PRKAR2B: variants seen among roughly 807,000 people sequenced by gnomAD.
The protein encoded by PRKAR2B is cAMP-dependent protein kinase type II-beta regulatory subunit.
PRKAR2B carries 14 observed loss-of-function variants against 49.9 expected under a neutral mutation model. That is an observed-to-expected ratio of 0.28 (90% CI 0.19 to 0.44). The LOEUF (loss-of-function observed/expected upper bound fraction) is 0.44. Ranked by LOEUF, PRKAR2B falls within the 20% of genes least tolerant of loss-of-function variation. The pLI is 1.00. For synonymous variants in PRKAR2B, 196 were observed against 197.7 expected, an observed-to-expected ratio of 0.99 and a Z score of 0.07; for missense variants, 393 against 537.9, an observed-to-expected ratio of 0.73 and a Z score of 2.67.
intron 1 of PRKAR2B, among the ~76,000 whole-genome samples, chr7:107,061,846 A>G (rs1794033527): frequency 6.6e-6 from 1 of 152,190 alleles, no homozygotes; most frequent in South Asian, 2.1e-4. Flanking sequence ...GCAGTGAACC[A>G]AGACTGTGCC....
intron 3 of PRKAR2B, among the ~76,000 whole-genome samples, chr7:107,125,899 C>A (rs1301905290): frequency 6.6e-6 from 1 of 151,630 alleles, no homozygotes; most frequent in Non-Finnish European, 1.5e-5. Flanking sequence ...CCAGCCTGGC[C>A]AAGATGGTGA....
intron 1 of PRKAR2B, among the ~76,000 whole-genome samples, chr7:107,049,303 G>C (rs917813972): frequency 6.6e-6 from 1 of 152,160 alleles, no homozygotes; most frequent in East Asian, 1.9e-4. Context: ...TAACTACCGT[G>C]ATAGAAAATA....
intron 2 of PRKAR2B, among the ~76,000 whole-genome samples, chr7:107,103,635 A>G (rs1207722125): frequency 1.3e-5 from 2 of 152,222 alleles, no homozygotes; most frequent in Non-Finnish European, 2.9e-5. Flanking sequence ...GATAAACTCT[A>G]CAAGCCTCCA....
chr7:107,155,136 A>C (rs983170619), intron 8 of PRKAR2B, among the ~76,000 whole-genome samples: 1 of 152,242 alleles, frequency 6.6e-6, no homozygotes, highest in Non-Finnish European at 1.5e-5. Context: ...CTGCTGGCAT[A>C]CACAGCAGTG....
chr7:107,146,387 G>T lies in PRKAR2B; in HGVS notation c.667G>T (p.Glu223Ter). 1 of 1,614,098 alleles carries T rather than the reference G, an allele frequency of 6.2e-7. No individual in the cohort carries two copies. Residue 223 changes from glutamate (E) to a stop codon, truncating the protein, a stop_gained, in exon 6 of 11, where the codon GAA becomes TAA. Coordinates refer to ENST00000265717, the MANE Select transcript of PRKAR2B (RefSeq NM_002736.3). LOFTEE classifies it high-confidence loss of function. ...CTATGATAATCGTGGGAGTTTCGGC[G>T]AACTGGCCTTAATGTACAATACACC... ...GNYDNRGSFG[E>*]LALMYNTPRA...
intron 2 of PRKAR2B, among the ~76,000 whole-genome samples, chr7:107,098,378 G>C (rs2707377): frequency 0.79 from 120,186 of 152,136 alleles, 48,208 homozygotes; most frequent in African/African-American, 0.94. Flanking sequence ...TTAAGGTCTT[G>C]TCTGTACTGT....
At chr7:107,146,568 C>T (rs1795898975) in intron 6 of PRKAR2B, 107 bp downstream of exon 6, 1 of 1,261,212 alleles carries the variant, frequency 7.9e-7, no homozygotes, top group Non-Finnish European at 1.1e-6. Context: ...CATCAGTCAT[C>T]AGGTAATTTA....
chr7:107,070,384 A>G, intron 2 of PRKAR2B, 68 bp downstream of exon 2: 1 of 1,360,698 alleles, frequency 7.3e-7, no homozygotes, highest in Non-Finnish European at 1.0e-6. Context: ...ATATTGGACA[A>G]GAAGGTACAA....
rs112966109 is a variant in PRKAR2B, at chr7:107,062,814, C to T, written c.308-7467C>T. On this transcript the variant is annotated intron_variant, in intron 1 of 10. Transcript: ENST00000265717. ...TTATCTTGTGAAATCTTTCATTATTCTTGTTAGAGACTAAAACCAGGTTAC... is the reference window on the plus strand; with the variant it reads ...TTATCTTGTGAAATCTTTCATTATTTTTGTTAGAGACTAAAACCAGGTTAC... Among the ~76,000 whole-genome samples, 403 of 151,016 alleles carry T rather than the reference C, an allele frequency of 2.7e-3. 2 individuals carry two copies. Among genetic ancestry groups the T allele is most frequent in the African/African-American group, 9.3e-3 (383 of 41,088 alleles).
At chr7:107,159,161 A>G (rs1482046738) in intron 10 of PRKAR2B, among the ~76,000 whole-genome samples, 1 of 152,168 alleles carries the variant, frequency 6.6e-6, no homozygotes, top group Non-Finnish European at 1.5e-5. Flanking sequence ...AGGTCTTTCC[A>G]TGATAGTCCC....
At chr7:107,147,305 C>G (rs1423470205) in intron 6 of PRKAR2B, among the ~76,000 whole-genome samples, 2 of 152,086 alleles carry the variant, frequency 1.3e-5, no homozygotes, top group African/African-American at 2.4e-5. Context: ...GAGCGAGACT[C>G]TGTCTCAAAA....
intron 1 of PRKAR2B, chr7:107,069,626 G>A (rs973689459): frequency 6.6e-6 from 1 of 152,190 alleles, no homozygotes; most frequent in African/African-American, 2.4e-5. Flanking sequence ...CGGAGGAGTG[G>A]GCAGATGGTA....
intron 2 of PRKAR2B, among the ~76,000 whole-genome samples, chr7:107,115,680 A>C (rs1300651281): frequency 6.6e-6 from 1 of 152,102 alleles, no homozygotes; most frequent in Non-Finnish European, 1.5e-5. Context: ...GAGAGAGAAT[A>C]AGAGAGAGAG....
chr7:107,098,515 A>C (rs1012596449), intron 2 of PRKAR2B, among the ~76,000 whole-genome samples: 1 of 151,982 alleles, frequency 6.6e-6, no homozygotes, highest in South Asian at 2.1e-4. Flanking sequence ...CCTTCTCTCA[A>C]CTCGTCAAAG....
chr7:107,067,228 T>C (rs1197786938), intron 1 of PRKAR2B: 1 of 152,214 alleles, frequency 6.6e-6, no homozygotes, highest in Non-Finnish European at 1.5e-5. Flanking sequence ...ATCCCAGCCT[T>C]CTTCTCTATT....
intron 6 of PRKAR2B, among the ~76,000 whole-genome samples, chr7:107,148,033 G>C (rs895501831): frequency 6.6e-6 from 1 of 152,122 alleles, no homozygotes; most frequent in Non-Finnish European, 1.5e-5. Context: ...AATGTGATGA[G>C]TCACTTTTTT....
intron 2 of PRKAR2B, among the ~76,000 whole-genome samples, chr7:107,084,788 T>A (rs1794584512): frequency 6.6e-6 from 1 of 150,448 alleles, no homozygotes; most frequent in Non-Finnish European, 1.5e-5. Flanking sequence ...CCTGGCTAAT[T>A]TTTTTTTTGT....
intron 2 of PRKAR2B, chr7:107,079,589 C>G (rs1302190729): frequency 6.6e-6 from 1 of 152,310 alleles, no homozygotes; most frequent in East Asian, 1.9e-4. Flanking sequence ...GTTCTGCCTC[C>G]ATGTATGCCT....
At chr7:107,083,732 C>T (rs1231724678) in intron 2 of PRKAR2B, among the ~76,000 whole-genome samples, 3 of 151,964 alleles carry the variant, frequency 2.0e-5, no homozygotes, top group African/African-American at 7.3e-5. Context: ...CCTGCCTCAG[C>T]GTCCCAAGTA....
Sources: allele counts gnomAD v4.1 joint callset (sites outside exome capture counted in the v4.1 genomes callset), GRCh38; gene constraint gnomAD v4.1.1; transcripts MANE v1.5; gene names NCBI Gene and HGNC (gene_info 2026-07-23, HGNC 2026-07-21).